Variants in ERBIN observed in about 807,000 individuals in gnomAD.
ERBIN encodes the protein erbb2 interacting protein, also known as densin-180-like protein.
A neutral mutation model predicts 158.4 loss-of-function variants in ERBIN; 60 were observed. The observed-to-expected ratio is 0.38, with a 90% CI of 0.31 to 0.47. The LOEUF (loss-of-function observed/expected upper bound fraction) is 0.47, where lower values mean the gene tolerates loss of function less well. ERBIN is among the 20% of genes least tolerant of loss of function. ERBIN has a pLI of 0.99. For synonymous variants in ERBIN, 594 were observed against 557.2 expected (o/e 1.07, Z -0.93); for missense variants, 1,610 against 1,648.0 (o/e 0.98, Z 0.40).
intron 15 of ERBIN, 104 bp downstream of exon 15, chr5:66,038,586 C>T: frequency 1.3e-6 from 1 of 772,766 alleles, no homozygotes; most frequent in South Asian, 2.1e-5. Flanking sequence ...GATGGGACTT[C>T]AGAGAATTGA....
intron 4 of ERBIN, among the ~76,000 whole-genome samples, chr5:65,997,182 C>T (rs1440510563): frequency 6.6e-6 from 1 of 152,112 alleles, no homozygotes; most frequent in Non-Finnish European, 1.5e-5. Context: ...TTGCCTTATC[C>T]CAGATCTTAA....
At chr5:65,968,106 G>A (rs903644512) in intron 1 of ERBIN, among the ~76,000 whole-genome samples, 1 of 152,128 alleles carries the variant, frequency 6.6e-6, no homozygotes, top group African/African-American at 2.4e-5. Context: ...CCAATGACGG[G>A]GAAGAGGATT....
At chr5:65,967,638 C>T (rs1748805969) in intron 1 of ERBIN, among the ~76,000 whole-genome samples, 1 of 152,212 alleles carries the variant, frequency 6.6e-6, no homozygotes, top group African/African-American at 2.4e-5. Context: ...AATTGCCAAA[C>T]AGTGCATTTC....
chr5:66,055,242 C>T, intron 21 of ERBIN: 5 of 386,794 alleles, frequency 1.3e-5, no homozygotes, highest in Non-Finnish European at 1.9e-5. Flanking sequence ...ATACACGTAC[C>T]TCTGTTCAGC....
At chr5:66,069,648 C>T (rs2151293425) in intron 21 of ERBIN, among the ~76,000 whole-genome samples, 1 of 152,266 alleles carries the variant, frequency 6.6e-6, no homozygotes, top group African/African-American at 2.4e-5. Context: ...ACAACTCTGG[C>T]ATGGCCCTGT....
At chr5:66,062,365 G>C (rs184823592) in intron 21 of ERBIN, among the ~76,000 whole-genome samples, 1 of 152,324 alleles carries the variant, frequency 6.6e-6, no homozygotes, top group African/African-American at 2.4e-5. Flanking sequence ...TCGTCACATA[G>C]TTCTCGTGCT....
At chr5:66,002,519 G>T (rs1753112076) in intron 4 of ERBIN, among the ~76,000 whole-genome samples, 1 of 152,156 alleles carries the variant, frequency 6.6e-6, no homozygotes, top group Non-Finnish European at 1.5e-5. Flanking sequence ...TGAACATAAT[G>T]AATAAAATGC....
chr5:65,988,035 G>A (rs1751456057), intron 1 of ERBIN, among the ~76,000 whole-genome samples: 1 of 152,058 alleles, frequency 6.6e-6, no homozygotes, highest in African/African-American at 2.4e-5. Context: ...TATAATGAGG[G>A]CTCTCAAGAG....
chr5:66,077,804 A>T (rs1159991502), intron 25 of ERBIN, among the ~76,000 whole-genome samples: 190 of 136,546 alleles, frequency 1.4e-3, no homozygotes, highest in African/African-American at 6.8e-3. Flanking sequence ...ATACACACAC[A>T]CACACAGTCA....
chr5:65,996,012 C>T (rs2151058917), intron 4 of ERBIN, among the ~76,000 whole-genome samples: 2 of 152,228 alleles, frequency 1.3e-5, no homozygotes, highest in African/African-American at 4.8e-5. Context: ...TGAATGCTAA[C>T]CCCTTCTCAG....
chr5:65,951,448 G>A (rs757837123), intron 1 of ERBIN, among the ~76,000 whole-genome samples: 26 of 152,122 alleles, frequency 1.7e-4, no homozygotes, highest in African/African-American at 1.9e-4. Context: ...GAAATCTGTC[G>A]TGAGGCCTTG....
At chr5:66,072,737 T>C (rs1332823558) in intron 22 of ERBIN, among the ~76,000 whole-genome samples, 1 of 152,216 alleles carries the variant, frequency 6.6e-6, no homozygotes, top group Non-Finnish European at 1.5e-5. Context: ...GTAGAATAGA[T>C]GATGGTTGTG....
In ERBIN at chr5:66,059,744, T is replaced by G. The variant is rs545964851; in HGVS notation, c.3633+4793T>G. 4.6e-5 allele frequency among the ~76,000 whole-genome samples: 7 copies of G among 152,348 alleles called. No homozygotes were observed. In the East Asian group the frequency reaches 1.2e-3, roughly 25 times the overall value. On this transcript the variant is annotated intron_variant, in intron 21 of 25. Coordinates refer to ENST00000284037, the MANE Select transcript of ERBIN (RefSeq NM_001253697.2). ...CCTAATTTATTGAGAGTTTTTACCA[T>G]GAAGGGTTGTTGAATTTTGTCAAAG...
Position 65,996,473 on chromosome 5 carries a change from G to C in ERBIN, c.307+1609G>C, listed in dbSNP as rs1339223459. ...ACAAAATACGTGGATTTATTTTTGG[G>C]CTGTCTATTCTGTTCCATTGGTCTG... On this transcript the variant is annotated intron_variant, in intron 4 of 25. Coordinates refer to ENST00000284037, the MANE Select transcript of ERBIN (RefSeq NM_001253697.2). Among the ~76,000 whole-genome samples the C allele has an allele frequency of 2.0e-5, 3 of 152,004 alleles. No homozygotes were observed. The East Asian group carries it at 5.8e-4, about 29-fold the overall frequency.
chr5:66,059,894 G>GA (rs760379757), intron 21 of ERBIN, among the ~76,000 whole-genome samples: 15 of 152,182 alleles, frequency 9.9e-5, no homozygotes, highest in Non-Finnish European at 1.8e-4. Flanking sequence ...AAGCCCACTT[G>GA]ATCATGGTGG....
At chr5:65,985,763 G>T (rs1751157808) in intron 1 of ERBIN, among the ~76,000 whole-genome samples, 1 of 152,124 alleles carries the variant, frequency 6.6e-6, no homozygotes, top group African/African-American at 2.4e-5. Flanking sequence ...AAAACTACCT[G>T]AGTTGTCGAT....
At chr5:65,969,954 A>T (rs1469734820) in intron 1 of ERBIN, among the ~76,000 whole-genome samples, 2 of 152,190 alleles carry the variant, frequency 1.3e-5, no homozygotes, top group African/African-American at 4.8e-5. Flanking sequence ...ATTGTTTTTT[A>T]ATATTAAGCA....
intron 1 of ERBIN, among the ~76,000 whole-genome samples, chr5:65,986,918 T>A (rs980901533): frequency 6.6e-6 from 1 of 152,226 alleles, no homozygotes; most frequent in African/African-American, 2.4e-5. Context: ...TGTTTTGTTT[T>A]TTTCCTCTGT....
At chr5:66,023,392 C>A in intron 9 of ERBIN, 28 bp downstream of exon 9, 1 of 1,474,514 alleles carries the variant, frequency 6.8e-7, no homozygotes, top group Non-Finnish European at 9.4e-7. Context: ...TAAATGGCAT[C>A]ACTTATTTCT....
Sources: allele counts gnomAD v4.1 joint callset (sites outside exome capture counted in the v4.1 genomes callset), GRCh38; gene constraint gnomAD v4.1.1; transcripts MANE v1.5; gene names NCBI Gene and HGNC (gene_info 2026-07-23, HGNC 2026-07-21).